Variants in GABBR2 observed in about 807,000 individuals in gnomAD.
GABBR2 encodes the protein gamma-aminobutyric acid type B receptor subunit 2.
A neutral mutation model predicts 105.6 loss-of-function variants in GABBR2; 23 were observed. The observed-to-expected ratio is 0.22, with a 90% CI of 0.16 to 0.31. The LOEUF is 0.31. Ranked by LOEUF, GABBR2 falls within the 10% of genes least tolerant of loss-of-function variation. GABBR2 has a pLI of 1.00. For synonymous variants in GABBR2, 478 were observed against 499.7 expected (o/e 0.96, Z 0.58); for missense variants, 734 against 1,245.5 (o/e 0.59, Z 6.18).
At chr9:98,512,055 C>G (rs1827655677) in intron 3 of GABBR2, among the ~76,000 whole-genome samples, 1 of 151,938 alleles carries the variant, frequency 6.6e-6, no homozygotes, top group Non-Finnish European at 1.5e-5. Flanking sequence ...AAAGCTTATC[C>G]ACCATGATCA....
intron 13 of GABBR2, among the ~76,000 whole-genome samples, chr9:98,341,846 T>C (rs1471415813): frequency 1.3e-5 from 2 of 152,122 alleles, no homozygotes; most frequent in Non-Finnish European, 2.9e-5. Flanking sequence ...TTAAATTAAA[T>C]TGCAACTCGG....
chr9:98,526,738 G>A (rs1295250313), intron 3 of GABBR2, among the ~76,000 whole-genome samples: 1 of 152,132 alleles, frequency 6.6e-6, no homozygotes, highest in African/African-American at 2.4e-5. Flanking sequence ...ATGAATGAAT[G>A]TATTACCAAA....
intron 5 of GABBR2, among the ~76,000 whole-genome samples, chr9:98,475,811 ATAGC>A (rs1826780980): frequency 6.6e-6 from 1 of 152,164 alleles, no homozygotes; most frequent in Non-Finnish European, 1.5e-5. Flanking sequence ...GCTCATGCCT[ATAGC>A]ACTTTGGGAG....
intron 1 of GABBR2, among the ~76,000 whole-genome samples, chr9:98,678,128 T>G (rs1011521480): frequency 9.2e-5 from 14 of 152,200 alleles, no homozygotes; most frequent in Non-Finnish European, 1.5e-5. Context: ...TTAATATTTG[T>G]TGACTAAATG....
chr9:98,309,262 GAA>G (rs1830599547), intron 14 of GABBR2, among the ~76,000 whole-genome samples: 2 of 152,224 alleles, frequency 1.3e-5, no homozygotes, highest in African/African-American at 4.8e-5. Flanking sequence ...AACCACTTTG[GAA>G]GTAGGTGGGA....
At chr9:98,561,507 C>A (rs1238514822) in intron 2 of GABBR2, among the ~76,000 whole-genome samples, 1 of 151,410 alleles carries the variant, frequency 6.6e-6, no homozygotes, top group Non-Finnish European at 1.5e-5. Flanking sequence ...CAGAAAGAAG[C>A]AGGAGGAGGA....
chr9:98,494,752 G>A (rs1194765320), intron 4 of GABBR2, among the ~76,000 whole-genome samples: 3 of 152,322 alleles, frequency 2.0e-5, no homozygotes, highest in Non-Finnish European at 4.4e-5. Flanking sequence ...CTGGAAAGGT[G>A]GCTATTTCGG....
At chr9:98,411,559 A>ATTTTTTT (rs11435821) in intron 7 of GABBR2, among the ~76,000 whole-genome samples, 1 of 149,634 alleles carries the variant, frequency 6.7e-6, no homozygotes, top group Non-Finnish European at 1.5e-5. Flanking sequence ...GTAAAATCCC[A>ATTTTTTT]TTTTTTTTTT....
At chr9:98,628,507 A>G (rs1829776303) in intron 1 of GABBR2, among the ~76,000 whole-genome samples, 1 of 152,142 alleles carries the variant, frequency 6.6e-6, no homozygotes, top group Non-Finnish European at 1.5e-5. Context: ...CTTGCTGTGA[A>G]ATTGCCCATT....
At chr9:98,486,774 GTCCTGTGC>G (rs1827062135) in intron 4 of GABBR2, among the ~76,000 whole-genome samples, 5 of 152,254 alleles carry the variant, frequency 3.3e-5, no homozygotes, top group Admixed American at 3.3e-4. Flanking sequence ...GCCCAGGCCA[GTCCTGTGC>G]CCCAACTGTC....
intron 7 of GABBR2, among the ~76,000 whole-genome samples, chr9:98,413,702 C>T (rs991705715): frequency 6.6e-6 from 1 of 152,158 alleles, no homozygotes; most frequent in African/African-American, 2.4e-5. Context: ...TCTGAGGGAC[C>T]ATAACCAGAC....
At chr9:98,559,975 A>AAC (rs3029105) in intron 2 of GABBR2, among the ~76,000 whole-genome samples, 33,271 of 150,268 alleles carry the variant, frequency 0.22, 3,913 homozygotes, top group African/African-American at 0.3. Flanking sequence ...ATGAGGAACA[A>AAC]ACACACACAC....
At chr9:98,305,739 C>A (rs754991040) in intron 15 of GABBR2, among the ~76,000 whole-genome samples, 2 of 151,462 alleles carry the variant, frequency 1.3e-5, no homozygotes. Flanking sequence ...TGCTCGATTC[C>A]GGGAGGTTGA....
intron 3 of GABBR2, among the ~76,000 whole-genome samples, chr9:98,507,978 G>A (rs1018460253): frequency 5.3e-5 from 8 of 152,122 alleles, no homozygotes; most frequent in African/African-American, 1.4e-4. Context: ...AGGAGCAGTC[G>A]GTGAAGTCAG....
intron 2 of GABBR2, among the ~76,000 whole-genome samples, chr9:98,564,478 C>T (rs1447624782): frequency 6.6e-6 from 1 of 152,126 alleles, no homozygotes; most frequent in African/African-American, 2.4e-5. Flanking sequence ...GACTCCGGAG[C>T]CATTTAAGAA....
chr9:98,576,000 T>C (rs1044198392), intron 2 of GABBR2, among the ~76,000 whole-genome samples: 4 of 152,126 alleles, frequency 2.6e-5, no homozygotes, highest in African/African-American at 9.7e-5. Context: ...GCACCTACCA[T>C]AGCACCTGCC....
intron 1 of GABBR2, among the ~76,000 whole-genome samples, chr9:98,699,960 G>T (rs1489007252): frequency 1.3e-5 from 2 of 152,144 alleles, no homozygotes; most frequent in Non-Finnish European, 2.9e-5. Flanking sequence ...ACCAAAATAA[G>T]TAACAAAAAA....
intron 1 of GABBR2, among the ~76,000 whole-genome samples, chr9:98,663,400 T>C (rs981078870): frequency 1.3e-5 from 2 of 152,008 alleles, no homozygotes; most frequent in African/African-American, 2.4e-5. Context: ...ATCGGCATGA[T>C]AGAATCCCAA....
At chr9:98,419,320 A>T (rs548400123) in intron 7 of GABBR2, among the ~76,000 whole-genome samples, 11 of 152,268 alleles carry the variant, frequency 7.2e-5, no homozygotes, top group African/African-American at 2.6e-4. Flanking sequence ...AGTGTCTCCT[A>T]GGGTGTAAGG....
Sources: gnomAD v4.1 joint callset for allele counts (sites outside exome capture counted in the v4.1 genomes callset) on GRCh38, gnomAD v4.1.1 for gene constraint, MANE v1.5 for transcripts, NCBI Gene and HGNC (gene_info 2026-07-23, HGNC 2026-07-21) for gene names.